DENND4C: variants seen among roughly 807,000 people sequenced by gnomAD.
DENND4C encodes DENN domain containing 4C.
In DENND4C, 108 loss-of-function variants were observed where a neutral mutation model predicts 203.0. The observed-to-expected ratio is 0.53, with a 90% CI of 0.46 to 0.62. The LOEUF (loss-of-function observed/expected upper bound fraction) is 0.62. Among genes scored for constraint, DENND4C ranks in the 20% least tolerant of loss-of-function variants. The probability of loss-of-function intolerance (pLI) is 0.00; values close to 1 mark genes in which losing one functional copy is unlikely to be tolerated. For missense variants in DENND4C, 2,481 were observed against 2,301.2 expected (o/e 1.08, Z -1.60); for synonymous variants, 871 against 792.4 (o/e 1.10, Z -1.67).
At chr9:19,341,418 C>T (rs1473139303) in intron 21 of DENND4C, among the ~76,000 whole-genome samples, 1 of 151,190 alleles carries the variant, frequency 6.6e-6, no homozygotes, top group Non-Finnish European at 1.5e-5. Flanking sequence ...TCATATGATC[C>T]TCCTGCCTCA....
At chr9:19,234,770 A>G (rs183227111) in intron 1 of DENND4C, among the ~76,000 whole-genome samples, 2 of 150,368 alleles carry the variant, frequency 1.3e-5, no homozygotes, top group African/African-American at 4.9e-5. Flanking sequence ...CTTGAACTCT[A>G]AGTTCAAGCG....
At chr9:19,324,775 A>G (rs1402574158) in intron 13 of DENND4C, among the ~76,000 whole-genome samples, 2 of 152,242 alleles carry the variant, frequency 1.3e-5, no homozygotes, top group African/African-American at 4.8e-5. Context: ...GCTAGGGTGC[A>G]GTGGCATGAT....
At chr9:19,263,308 CTTT>C (rs59078772) in intron 1 of DENND4C, among the ~76,000 whole-genome samples, 8,206 of 152,182 alleles carry the variant, frequency 0.054, 369 homozygotes, top group African/African-American at 0.12. Context: ...GTTGAATAAT[CTTT>C]TTAATACGTT....
At chr9:19,332,515 TA>T (rs1288504778) in intron 17 of DENND4C, among the ~76,000 whole-genome samples, 18 of 115,266 alleles carry the variant, frequency 1.6e-4, no homozygotes, top group African/African-American at 6.8e-4. Context: ...CATACCTGGC[TA>T]ATTTTTTTTT....
intron 23 of DENND4C, among the ~76,000 whole-genome samples, chr9:19,347,354 C>T (rs1823146766): frequency 6.6e-6 from 1 of 152,146 alleles, no homozygotes; most frequent in African/African-American, 2.4e-5. Context: ...TGGTCTTGAA[C>T]TCCTCACCTC....
intron 1 of DENND4C, among the ~76,000 whole-genome samples, chr9:19,254,362 A>G (rs1325662193): frequency 6.6e-6 from 1 of 152,226 alleles, no homozygotes; most frequent in East Asian, 1.9e-4. Context: ...ATGAATGTGT[A>G]AAGAAATTGT....
At chr9:19,299,110 A>T (rs1588871541) in intron 7 of DENND4C, 119 bp from the exon 8 acceptor site, 1 of 689,374 alleles carries the variant, frequency 1.5e-6, no homozygotes, top group Non-Finnish European at 2.3e-6. Flanking sequence ...ATATTAAATT[A>T]TTAATGTTTT....
chr9:19,256,828 T>A (rs1194218192), intron 1 of DENND4C, among the ~76,000 whole-genome samples: 1 of 151,446 alleles, frequency 6.6e-6, no homozygotes, highest in Non-Finnish European at 1.5e-5. Context: ...CCCAGCACTT[T>A]GGGAGGCCGA....
chr9:19,325,324 C>G (rs987973282), intron 13 of DENND4C, among the ~76,000 whole-genome samples: 2 of 151,906 alleles, frequency 1.3e-5, no homozygotes, highest in Non-Finnish European at 2.9e-5. Context: ...TGATTCTTGA[C>G]TTAGTTATAA....
rs1158358030 is a variant in DENND4C, at chr9:19,369,829, A to G, written c.5525-8A>G. 39 of 1,546,202 alleles carry G rather than the reference A, an allele frequency of 2.5e-5. No homozygotes were observed. The highest frequency in any genetic ancestry group is 3.3e-5 in the Non-Finnish European group (38 of 1,151,500). The stretch of plus-strand genomic sequence containing the variant: ...TTGAAAAAAAACTTACTGTGTTCTT[A>G]TTGTTAGATTCTGAAAAGAAATCAT... On this transcript the variant is annotated splice_polypyrimidine_tract_variant and splice_region_variant and intron_variant, in intron 30 of 32. Coordinates refer to ENST00000434457, the MANE Select transcript of DENND4C (RefSeq NM_001330640.2).
intron 1 of DENND4C, among the ~76,000 whole-genome samples, chr9:19,245,769 T>C (rs1825069639): frequency 6.6e-6 from 1 of 151,250 alleles, no homozygotes; most frequent in Non-Finnish European, 1.5e-5. Context: ...GGCGGGAGAA[T>C]CGCTTGAACC....
chr9:19,295,136 C>T (rs1382109231), intron 5 of DENND4C, among the ~76,000 whole-genome samples: 1 of 152,164 alleles, frequency 6.6e-6, no homozygotes, highest in African/African-American at 2.4e-5. Flanking sequence ...CTTTGGGAGG[C>T]TGAGGCTGGT....
chr9:19,290,093 C>T (rs943459747), intron 4 of DENND4C, among the ~76,000 whole-genome samples: 21 of 152,054 alleles, frequency 1.4e-4, no homozygotes, highest in Admixed American at 1.4e-3. Context: ...ATATTGATGA[C>T]CTTAGAGGCT....
intron 3 of DENND4C, 90 bp downstream of exon 3, chr9:19,287,111 C>A: frequency 9.1e-7 from 1 of 1,100,612 alleles, no homozygotes; most frequent in Admixed American, 4.2e-5. Flanking sequence ...TATATACTCA[C>A]ATTTTATATT....
chr9:19,269,574 G>T (rs1831207541), intron 1 of DENND4C, among the ~76,000 whole-genome samples: 1 of 152,182 alleles, frequency 6.6e-6, no homozygotes, highest in African/African-American at 2.4e-5. Flanking sequence ...GAATTTTTCA[G>T]CTCCAGAATT....
Position 19,298,106 on chromosome 9 carries a change from C to G in DENND4C, c.1091C>G (p.Pro364Arg). The change falls in exon 7 of 33, where the codon CCG (proline) becomes CGG (arginine). Residue 364 changes from proline (P) to arginine (R), a missense_variant. This residue lies in a region of DENND4C where 2,289 missense variants were observed against 2,113.3 expected (regional missense o/e 1.08). Transcript: ENST00000434457. ...QNIPFPSPQR[P>R]RILVQLSVHD... ...ATCCCTTTTCCTTCACCACAAAGACCGAGAATCCTTGTCCAGGTAATCAAA... is the reference window on the plus strand; with the variant it reads ...ATCCCTTTTCCTTCACCACAAAGACGGAGAATCCTTGTCCAGGTAATCAAA... 6.2e-7 allele frequency: 1 copy of G among 1,609,458 alleles called. No individual in the cohort carries two copies. The highest frequency in any genetic ancestry group is 1.7e-5 in the Admixed American group (1 of 59,864).
At position 19,336,396 on chromosome 9, in the gene DENND4C, C is replaced by G. The variant is rs1662595524; in HGVS notation, c.2716C>G (p.Gln906Glu). 6.2e-7 allele frequency: 1 copy of G among 1,613,522 alleles called. No individual in the cohort carries two copies. The highest frequency in any genetic ancestry group is 8.5e-7 in the Non-Finnish European group (1 of 1,179,842). The change falls in exon 19 of 33, where the codon CAG becomes GAG. Residue 906 changes from glutamine to glutamate, a missense_variant. Around this residue, in one of 3 missense-constraint regions of DENND4C, gnomAD observed 2,289 missense variants for 2,113.3 expected, o/e 1.08. Transcript: ENST00000434457. ...GCTTAAAAAGACTGTGCAAAGGTCA[C>G]AGGTCTCCTCAATATCAGGTAATAC... ...QPLKKTVQRS[Q>E]VSSISALQNV...
chr9:19,330,890 AAATCTGC>A (rs1711617394), intron 16 of DENND4C, among the ~76,000 whole-genome samples: 1 of 151,714 alleles, frequency 6.6e-6, no homozygotes, highest in Non-Finnish European at 1.5e-5. Context: ...TCTCTACTAA[AAATCTGC>A]ACAAAAAAAT....
chr9:19,316,477 A>C lies in DENND4C; in HGVS notation c.1548A>C (p.Leu516=). 2 of 1,613,950 alleles carry C rather than the reference A, an allele frequency of 1.2e-6. No homozygotes were observed. Among genetic ancestry groups the C allele is most frequent in the Non-Finnish European group, 1.7e-6 (2 of 1,179,962 alleles). The change falls in exon 11 of 33, where the codon CTA becomes CTC. Residue 516 remains leucine (L), a synonymous_variant. Coordinates refer to ENST00000434457, the MANE Select transcript of DENND4C (RefSeq NM_001330640.2). ...TTCCCAAAAAGCCGTGCAAAAATCT[A>C]CTTAGCACCTTAAAGAAATTGTATC... The part of the protein sequence containing the change: ...KQLPKKPCKN[L]LSTLKKLYPQ...
Sources: allele counts gnomAD v4.1 joint callset (sites outside exome capture counted in the v4.1 genomes callset), GRCh38; gene constraint gnomAD v4.1.1; regional missense constraint gnomAD v4.1.1; transcripts MANE v1.5; gene names NCBI Gene and HGNC (gene_info 2026-07-23, HGNC 2026-07-21).